Variants in WDR48 observed in about 807,000 individuals in gnomAD.
WDR48 encodes the protein WD repeat domain 48, also known as WD repeat-containing protein 48.
A neutral mutation model predicts 94.0 loss-of-function variants in WDR48; 22 were observed. That is an observed-to-expected ratio of 0.23 (90% CI 0.17 to 0.33). WDR48 has a LOEUF of 0.33. WDR48 is among the 10% of genes least tolerant of loss of function. The probability of loss-of-function intolerance (pLI) is 1.00; values close to 1 mark genes in which losing one functional copy is unlikely to be tolerated. For missense variants in WDR48, 541 were observed against 813.8 expected (o/e 0.66, Z 4.08); for synonymous variants, 278 against 280.5 (o/e 0.99, Z 0.09).
At chr3:39,059,667 G>A (rs1167299385) in intron 1 of WDR48, among the ~76,000 whole-genome samples, 1 of 152,176 alleles carries the variant, frequency 6.6e-6, no homozygotes, top group Non-Finnish European at 1.5e-5. Context: ...AAAAGACTGG[G>A]TTAAAACAAC....
At chr3:39,064,781 G>T (rs1279343232) in intron 2 of WDR48, among the ~76,000 whole-genome samples, 3 of 152,230 alleles carry the variant, frequency 2.0e-5, no homozygotes, top group Non-Finnish European at 4.4e-5. Context: ...TATAACTTCA[G>T]TCTGGCAGGC....
At chr3:39,060,507 A>T (rs1056530310) in intron 1 of WDR48, among the ~76,000 whole-genome samples, 3 of 151,972 alleles carry the variant, frequency 2.0e-5, no homozygotes, top group Non-Finnish European at 4.4e-5. Context: ...CACTTTTGTA[A>T]CATTATTGTG....
At chr3:39,084,779 A>G (rs1395689397) in intron 13 of WDR48, 38 bp downstream of exon 13, 1 of 1,571,672 alleles carries the variant, frequency 6.4e-7, no homozygotes, top group Non-Finnish European at 8.7e-7. Context: ...CCTCCCTTCT[A>G]AAGAGAAGAT....
intron 16 of WDR48, 63 bp downstream of exon 16, chr3:39,089,381 G>A (rs2034971585): frequency 7.0e-7 from 1 of 1,438,500 alleles, no homozygotes. Flanking sequence ...ATTAAGAACT[G>A]CTTTAGACAT....
intron 12 of WDR48, 102 bp from the exon 13 acceptor site, chr3:39,084,543 T>C: frequency 9.6e-7 from 1 of 1,036,448 alleles, no homozygotes; most frequent in Non-Finnish European, 1.4e-6. Context: ...CCTGAATTTA[T>C]GACTTAGCAC....
In WDR48 at chr3:39,072,128, T is replaced by C. The variant is rs148568341; in HGVS notation, c.672+2384T>C. ...TAGGCCAATGAATCCCATGAATATC[T>C]ACCTGTTGCCTGATTCTTTTGTTGT... On this transcript the variant is annotated intron_variant, in intron 7 of 18. Coordinates refer to ENST00000302313, the MANE Select transcript of WDR48 (RefSeq NM_020839.4). Among the ~76,000 whole-genome samples, 714 of 152,334 alleles carry C rather than the reference T, an allele frequency of 4.7e-3. 32 individuals carry two copies. Among genetic ancestry groups the C allele is most frequent in the Admixed American group, 0.044 (673 of 15,304 alleles).
intron 18 of WDR48, chr3:39,094,302 C>G (rs1417632499): frequency 7.0e-7 from 1 of 1,424,070 alleles, no homozygotes; most frequent in African/African-American, 1.4e-5. Flanking sequence ...AAAAAAGACA[C>G]ATGGTCTTCT....
At chr3:39,091,422 T>TA (rs1171543421) in intron 16 of WDR48, 3 of 413,544 alleles carry the variant, frequency 7.3e-6, no homozygotes, top group Non-Finnish European at 1.3e-5. Context: ...CAATTTCATA[T>TA]TACCTCTAAT....
At chr3:39,078,280 C>G in intron 10 of WDR48, 41 bp downstream of exon 10, 1 of 1,373,382 alleles carries the variant, frequency 7.3e-7, no homozygotes, top group Non-Finnish European at 1.0e-6. Flanking sequence ...TTGAAGTTAG[C>G]GATAGTTACT....
intron 5 of WDR48, among the ~76,000 whole-genome samples, chr3:39,067,830 A>G (rs1194257838): frequency 6.6e-6 from 1 of 152,100 alleles, no homozygotes; most frequent in African/African-American, 2.4e-5. Context: ...GAAATATGTG[A>G]AGGTCTCAAC....
At chr3:39,084,961 C>T (rs2034733406) in intron 13 of WDR48, among the ~76,000 whole-genome samples, 1 of 152,204 alleles carries the variant, frequency 6.6e-6, no homozygotes, top group African/African-American at 2.4e-5. Flanking sequence ...GGCGCAGTGG[C>T]TCACACCTGT....
At position 39,095,138 on chromosome 3, in the gene WDR48, T is replaced by A. The variant is rs1179776429; in HGVS notation, c.*395T>A. 1.5e-5 allele frequency: 3 copies of A among 198,400 alleles called. No individual in the cohort carries two copies. Among genetic ancestry groups the A allele is most frequent in the South Asian group, 1.3e-4 (1 of 7,678 alleles). The allele number at this position is 198,400 out of a possible 1,614,324, so 12.3% of individuals were successfully genotyped here. On this transcript the variant is annotated 3_prime_UTR_variant, in exon 19 of 19. Coordinates refer to ENST00000302313, the MANE Select transcript of WDR48 (RefSeq NM_020839.4). ...CTGTTTCAACTTTAAGCCCACACAC[T>A]CTGTAGCTTTTCTAAAACAGTACAT...
chr3:39,068,430 CAG>C (rs1225201470), intron 5 of WDR48, among the ~76,000 whole-genome samples: 1 of 152,030 alleles, frequency 6.6e-6, no homozygotes, highest in Non-Finnish European at 1.5e-5. Context: ...GTGTATGAAA[CAG>C]TGTTTTTGGT....
chr3:39,058,286 A>T (rs2033029128), intron 1 of WDR48, among the ~76,000 whole-genome samples: 1 of 152,212 alleles, frequency 6.6e-6, no homozygotes, highest in Non-Finnish European at 1.5e-5. Flanking sequence ...TAAGTGATTG[A>T]ATAGTGTTGT....
At chr3:39,088,509 C>A (rs1490406442) in intron 15 of WDR48, among the ~76,000 whole-genome samples, 1 of 152,190 alleles carries the variant, frequency 6.6e-6, no homozygotes, top group Non-Finnish European at 1.5e-5. Flanking sequence ...TTCTCACTTT[C>A]CTTCACTTTG....
At chr3:39,080,231 G>A (rs755130757) in intron 11 of WDR48, among the ~76,000 whole-genome samples, 1 of 152,202 alleles carries the variant, frequency 6.6e-6, no homozygotes, top group Admixed American at 6.5e-5. Flanking sequence ...GCAACCACAA[G>A]TGTCTCCACA....
chr3:39,091,825 T>G, intron 17 of WDR48, 124 bp downstream of exon 17: 2 of 858,810 alleles, frequency 2.3e-6, no homozygotes, highest in Non-Finnish European at 3.4e-6. Flanking sequence ...TATTCAAAGT[T>G]TATACAATTA....
At chr3:39,088,793 C>G (rs1257059655) in intron 15 of WDR48, among the ~76,000 whole-genome samples, 1 of 152,062 alleles carries the variant, frequency 6.6e-6, no homozygotes, top group Admixed American at 6.5e-5. Flanking sequence ...CTATAGGTGC[C>G]AGAAGAAAGA....
At chr3:39,055,070 A>G (rs2032778460) in intron 1 of WDR48, among the ~76,000 whole-genome samples, 1 of 152,250 alleles carries the variant, frequency 6.6e-6, no homozygotes, top group Non-Finnish European at 1.5e-5. Context: ...GAAAAAGCAT[A>G]CATGGGTACT....
Sources: gnomAD v4.1 joint callset for allele counts (sites outside exome capture counted in the v4.1 genomes callset) on GRCh38, gnomAD v4.1.1 for gene constraint, MANE v1.5 for transcripts, NCBI Gene and HGNC (gene_info 2026-07-23, HGNC 2026-07-21) for gene names.